TENM2: variants seen among roughly 807,000 people sequenced by gnomAD.
TENM2 encodes the protein teneurin transmembrane protein 2, also known as teneurin-2.
A neutral mutation model predicts 245.2 loss-of-function variants in TENM2; 52 were observed. That is an observed-to-expected ratio of 0.21 (90% confidence interval 0.17 to 0.27). The LOEUF (loss-of-function observed/expected upper bound fraction) is 0.27, where lower values mean the gene tolerates loss of function less well. Among genes scored for constraint, TENM2 ranks in the 10% least tolerant of loss-of-function variants. TENM2 has a pLI of 1.00. For synonymous variants in TENM2, 1,363 were observed against 1,438.9 expected (o/e 0.95, Z 1.19); for missense variants, 3,046 against 3,666.8 (o/e 0.83, Z 4.37).
At position 167,888,757 on chromosome 5, in the gene TENM2, T is replaced by G. The variant is rs182867134; in HGVS notation, c.712+12562T>G. 1.4e-3 allele frequency among the ~76,000 whole-genome samples: 207 copies of G among 152,356 alleles called. 2 individuals are homozygous for G. The highest frequency in any genetic ancestry group is 5.0e-4 in the Non-Finnish European group (34 of 68,034). The stretch of plus-strand genomic sequence containing the variant: ...CAGGGCCAATACCAGCTCTCTCTTT[T>G]GTCATTTCCATCAGATCTTTTGTTT... On this transcript the variant is annotated intron_variant, in intron 3 of 28. Coordinates refer to ENST00000518659, the Ensembl canonical transcript of TENM2.
At chr5:167,957,688 G>A (rs533819791) in intron 4 of TENM2, among the ~76,000 whole-genome samples, 47 of 152,164 alleles carry the variant, frequency 3.1e-4, no homozygotes, top group African/African-American at 1.1e-3. Context: ...TGTTCTCATT[G>A]GTTTCAAAGA....
intron 2 of TENM2, among the ~76,000 whole-genome samples, chr5:167,592,748 G>A (rs1238460497): frequency 6.6e-6 from 1 of 151,900 alleles, no homozygotes; most frequent in Non-Finnish European, 1.5e-5. Flanking sequence ...CTAGTTTTAG[G>A]TTTCATTGTA....
chr5:167,166,318 G>A, the TENM2 span, among the ~76,000 whole-genome samples: 1 of 152,214 alleles, frequency 6.6e-6, no homozygotes, highest in Non-Finnish European at 1.5e-5. Flanking sequence ...GAATGAAGCT[G>A]AGAGTCAATG....
At chr5:168,057,331 ACT>A (rs1491054134) in intron 6 of TENM2, among the ~76,000 whole-genome samples, 4 of 149,754 alleles carry the variant, frequency 2.7e-5, no homozygotes, top group South Asian at 2.1e-4. Flanking sequence ...ACACACACAC[ACT>A]CACTCACACT....
At chr5:167,432,320 A>G (rs1009943648) in intron 2 of TENM2, among the ~76,000 whole-genome samples, 1 of 151,846 alleles carries the variant, frequency 6.6e-6, no homozygotes, top group Non-Finnish European at 1.5e-5. Context: ...CTAAATTATG[A>G]TTTCCATAGA....
intron 2 of TENM2, among the ~76,000 whole-genome samples, chr5:167,796,577 T>C (rs1166481587): frequency 6.6e-6 from 1 of 152,122 alleles, no homozygotes; most frequent in Non-Finnish European, 1.5e-5. Context: ...GCATCTTTTT[T>C]ACTTTCAAAG....
intron 3 of TENM2, among the ~76,000 whole-genome samples, chr5:167,913,133 C>A (rs1397707103): frequency 1.3e-5 from 2 of 152,148 alleles, no homozygotes; most frequent in Non-Finnish European, 2.9e-5. Flanking sequence ...ACCATGGGGG[C>A]GCTCACCCAA....
rs1222914056 is a variant in TENM2, at chr5:168,218,659, G to C, written c.4768G>C (p.Glu1590Gln). The C allele has an allele frequency of 9.9e-6, 16 of 1,614,012 alleles. No homozygotes were observed. Among genetic ancestry groups the C allele is most frequent in the Middle Eastern group, 1.6e-4 (1 of 6,062 alleles). Residue 1590 changes from glutamate (E) to glutamine (Q), a missense_variant, in exon 23 of 29, where the codon GAG becomes CAG. Physicochemically the swap from Glu to Gln is conservative, Grantham distance 29. Around this residue, in one of 2 missense-constraint regions of TENM2, gnomAD observed 2,704 missense variants for 3,331.9 expected, o/e 0.81. Transcript: ENST00000518659. This position sits in a 1 kb window ranked among gnomAD's most constrained non-coding sequence, Gnocchi z 5.2. The stretch of plus-strand genomic sequence containing the variant: ...CCAGTATGAGGCTGCATCCCCCGGA[G>C]AGCAGGAGTTATATGTTTTCAACGC...
chr5:167,280,862 A>G (rs114463575), upstream of TENM2, among the ~76,000 whole-genome samples: 1,569 of 151,266 alleles, frequency 0.01, 31 homozygotes, highest in African/African-American at 0.035. Flanking sequence ...ACCCCAGGGA[A>G]CTCACCACTG....
chr5:167,325,006 G>A (rs1757000411), intron 1 of TENM2, among the ~76,000 whole-genome samples: 1 of 152,116 alleles, frequency 6.6e-6, no homozygotes, highest in South Asian at 2.1e-4. Flanking sequence ...CTGGGTATTA[G>A]TTATGGTGAT....
chr5:167,309,424 A>G (rs769348113), intron 1 of TENM2, among the ~76,000 whole-genome samples: 7 of 152,208 alleles, frequency 4.6e-5, no homozygotes, highest in East Asian at 1.9e-4. Flanking sequence ...TTGACTGAAC[A>G]TATTTTCAAC....
At chr5:167,810,582 A>G (rs1470700401) in intron 2 of TENM2, among the ~76,000 whole-genome samples, 2 of 151,748 alleles carry the variant, frequency 1.3e-5, no homozygotes, top group Non-Finnish European at 2.9e-5. Flanking sequence ...ATACTTCACT[A>G]CATAATCAAG....
intron 25 of TENM2, among the ~76,000 whole-genome samples, chr5:168,236,144 AGTC>A (rs1468569712): frequency 3.3e-5 from 5 of 152,154 alleles, no homozygotes; most frequent in Non-Finnish European, 7.4e-5. Context: ...GAAATACAGA[AGTC>A]TTCTGCAGAT....
intron 2 of TENM2, among the ~76,000 whole-genome samples, chr5:167,611,789 G>A (rs960505325): frequency 6.6e-6 from 1 of 152,000 alleles, no homozygotes; most frequent in African/African-American, 2.4e-5. Flanking sequence ...GGTGAAAGGG[G>A]CAAAGCAGTT....
intron 2 of TENM2, among the ~76,000 whole-genome samples, chr5:167,710,107 T>C (rs1758807516): frequency 6.6e-6 from 1 of 152,154 alleles, no homozygotes; most frequent in Admixed American, 6.5e-5. Context: ...ATGATTTAAC[T>C]TCCTTTGAAC....
chr5:167,148,628 A>G, the TENM2 span, among the ~76,000 whole-genome samples: 1 of 152,306 alleles, frequency 6.6e-6, no homozygotes, highest in South Asian at 2.1e-4. Context: ...CTTGCTTTCT[A>G]GTCCATTATT....
chr5:167,081,370 T>C, the TENM2 span, among the ~76,000 whole-genome samples: 1 of 152,194 alleles, frequency 6.6e-6, no homozygotes, highest in Non-Finnish European at 1.5e-5. Flanking sequence ...ATTAATCTAC[T>C]GAGTGTTCTT....
At chr5:167,549,873 C>T (rs747424731) in intron 2 of TENM2, among the ~76,000 whole-genome samples, 4 of 152,062 alleles carry the variant, frequency 2.6e-5, no homozygotes, top group Non-Finnish European at 5.9e-5. Context: ...TCCTTTAAAA[C>T]TATTGCCAGG....
chr5:167,690,923 ATGTGTGTGTGTGTGTGTGTGTGTGTG>A (rs375456466), intron 2 of TENM2, among the ~76,000 whole-genome samples: 6 of 78,780 alleles, frequency 7.6e-5, no homozygotes, highest in African/African-American at 2.0e-4. Context: ...ATATGCGAGT[ATGTGTGTGTGTGTGTGTGTGTGTGTG>A]TGTGTGTGTG....
Sources: allele counts gnomAD v4.1 joint callset (sites outside exome capture counted in the v4.1 genomes callset), GRCh38; gene constraint gnomAD v4.1.1; regional missense constraint gnomAD v4.1.1; non-coding constraint Gnocchi (gnomAD v3.1); transcripts MANE v1.5; gene names NCBI Gene and HGNC (gene_info 2026-07-23, HGNC 2026-07-21).